The following PITX3 variants were observed in gnomAD, a reference collection of about 807,000 sequenced individuals.
PITX3 encodes the protein pituitary homeobox 3.
PITX3 carries 4 observed loss-of-function variants against 14.2 expected under a neutral mutation model. The observed-to-expected ratio is 0.28, with a 90% CI of 0.14 to 0.65. The LOEUF (loss-of-function observed/expected upper bound fraction) is 0.65, where lower values mean the gene tolerates loss of function less well. PITX3 is among the 30% of genes least tolerant of loss of function. PITX3 has a pLI of 0.82. For synonymous variants in PITX3, 194 were observed against 204.5 expected (o/e 0.95, Z 0.44); for missense variants, 358 against 426.8 (o/e 0.84, Z 1.42).
At chr10:102,234,177 T>C (rs988236090) in intron 1 of PITX3, among the ~76,000 whole-genome samples, 3 of 152,194 alleles carry the variant, frequency 2.0e-5, no homozygotes, top group Admixed American at 6.5e-5. Context: ...TTAGGAGCCT[T>C]TCTCAGGGAG....
chr10:102,231,582 G>A lies in PITX3; in HGVS notation c.321+6C>T, dbSNP rs1342894457. 1 of 1,571,636 alleles carries A rather than the reference G, an allele frequency of 6.4e-7. No homozygotes were observed. The highest frequency in any genetic ancestry group is 8.7e-7 in the Non-Finnish European group (1 of 1,151,378). On this transcript the variant is annotated splice_donor_region_variant and intron_variant, in intron 3 of 3. Transcript: ENST00000370002. The stretch of plus-strand genomic sequence containing the variant: ...CGGGTGCGAGTCGCGGGTCTGGAGA[G>A]CATACCCGCACGCGGGCCTCGGTGA...
intron 1 of PITX3, among the ~76,000 whole-genome samples, chr10:102,240,709 T>C (rs1211037521): frequency 6.6e-6 from 1 of 152,118 alleles, no homozygotes; most frequent in Admixed American, 6.5e-5. Context: ...TCAGGACCCT[T>C]CTGGGCCCAG....
At position 102,230,563 on chromosome 10, in the gene PITX3, G is replaced by C. The variant is rs764043585; in HGVS notation, c.860C>G (p.Pro287Arg). The stretch of plus-strand genomic sequence containing the variant: ...CTGGCACGGACTAAGGTTGGCTGCC[G>C]GGGGCGGCCCGTGCACAGCGGGGTA... ...FSYPAVHGPP[P>R]AANLSPCQYA... The change falls in exon 4 of 4, where the codon CCG (proline) becomes CGG (arginine). Residue 287 changes from proline (P) to arginine (R), a missense_variant. Physicochemically the swap from Pro to Arg is moderately radical, Grantham distance 103. Around this residue, in one of 3 missense-constraint regions of PITX3, gnomAD observed 236 missense variants for 250.2 expected, o/e 0.94. Transcript: ENST00000370002. The C allele has an allele frequency of 1.9e-6, 3 of 1,610,556 alleles. No homozygotes were observed. The highest frequency in any genetic ancestry group is 2.2e-5 in the South Asian group (2 of 90,398).
chr10:102,234,110 TTAA>T (rs1032495319), intron 1 of PITX3, among the ~76,000 whole-genome samples: 2 of 152,220 alleles, frequency 1.3e-5, no homozygotes, highest in African/African-American at 4.8e-5. Flanking sequence ...CAGGATGGCA[TTAA>T]TGTGGTGGAT....
rs1225609240 is a variant in PITX3 at position 102,232,225 on chromosome 10, G to T, written c.-12-133C>A. 3 of 650,250 alleles carry T rather than the reference G, an allele frequency of 4.6e-6. No homozygotes were observed. In the African/African-American group the frequency reaches 5.4e-5, roughly 12 times the overall value. The allele number at this position is 650,250 out of a possible 1,614,324, so 40.3% of individuals were successfully genotyped here. On this transcript the variant is annotated intron_variant, in intron 1 of 3. Transcript: ENST00000370002. ...AGCCGTAAAGCTGGGGCTGCGTGGGGCTCCTTAGGATAGAATCGGGAAATA... is the reference window on the plus strand; with the variant it reads ...AGCCGTAAAGCTGGGGCTGCGTGGGTCTCCTTAGGATAGAATCGGGAAATA...
intron 1 of PITX3, among the ~76,000 whole-genome samples, chr10:102,232,735 C>T (rs1038614591): frequency 2.0e-5 from 3 of 152,188 alleles, no homozygotes; most frequent in African/African-American, 7.2e-5. Flanking sequence ...CCCTATACTA[C>T]ATCTGCAAAA....
In PITX3 at chr10:102,230,699, C is replaced by G; in HGVS notation, c.724G>C (p.Ala242Pro). ...SGAVSCPYAS[A>P]AAAAAAAASS... The stretch of plus-strand genomic sequence containing the variant: ...GCGGCAGCCGCGGCGGCGGCGGCGG[C>G]CGAGGCATAAGGGCAGGACACGGCC... Residue 242 changes from alanine to proline, a missense_variant, in exon 4 of 4, where the codon GCC (alanine) becomes CCC (proline). Transcript: ENST00000370002. 1 of 1,561,556 alleles carries G rather than the reference C, an allele frequency of 6.4e-7. No homozygotes were observed. The highest frequency in any genetic ancestry group is 8.7e-7 in the Non-Finnish European group (1 of 1,153,718).
At position 102,230,707 on chromosome 10, in the gene PITX3, T is replaced by C; in HGVS notation, c.716A>G (p.Tyr239Cys). 1 of 1,555,898 alleles carries C rather than the reference T, an allele frequency of 6.4e-7. No individual in the cohort carries two copies. The highest frequency in any genetic ancestry group is 8.7e-7 in the Non-Finnish European group (1 of 1,150,596). The change falls in exon 4 of 4, where the codon TAT becomes TGT. Residue 239 changes from tyrosine (Y) to cysteine (C), a missense_variant. This residue lies in a region of PITX3 where 236 missense variants were observed against 250.2 expected (regional missense o/e 0.94). Transcript: ENST00000370002. Reference sequence around the variant, plus strand: ...CGCGGCGGCGGCGGCGGCCGAGGCATAAGGGCAGGACACGGCCCCGGAGGA... The same window carrying C: ...CGCGGCGGCGGCGGCGGCCGAGGCACAAGGGCAGGACACGGCCCCGGAGGA... The part of the protein sequence containing the change: ...AVSSGAVSCP[Y>C]ASAAAAAAAA...
chr10:102,239,877 G>A (rs2070487463), intron 1 of PITX3, among the ~76,000 whole-genome samples: 2 of 152,188 alleles, frequency 1.3e-5, no homozygotes, highest in African/African-American at 2.4e-5. Context: ...AAGTAAACCC[G>A]GCTGTTAGGT....
chr10:102,232,187 C>T, intron 1 of PITX3, 95 bp from the exon 2 acceptor site: 1 of 724,180 alleles, frequency 1.4e-6, no homozygotes, highest in Non-Finnish European at 2.4e-6. Flanking sequence ...TCCCTGGCGC[C>T]TTTCTCAACC....
At chr10:102,231,859 C>T in intron 2 of PITX3, 69 bp from the exon 3 acceptor site, 2 of 1,578,854 alleles carry the variant, frequency 1.3e-6, no homozygotes, top group East Asian at 2.2e-5. Flanking sequence ...TCGGGGACCT[C>T]CTAAGCCACT....
chr10:102,238,355 G>A (rs1040511733), intron 1 of PITX3, among the ~76,000 whole-genome samples: 22 of 152,170 alleles, frequency 1.4e-4, no homozygotes, highest in Non-Finnish European at 2.8e-4. Context: ...TTGCCCTCCC[G>A]TCCTGAACCT....
chr10:102,231,004 A>T lies in PITX3; in HGVS notation c.419T>A (p.Leu140Gln). Residue 140 changes from leucine to glutamine, a missense_variant, in exon 4 of 4, where the codon CTG (leucine) becomes CAG (glutamine). Transcript: ENST00000370002. ...KGSFAAPLGGLVPPYEEVYPG... is the reference protein window; with the variant it reads ...KGSFAAPLGGQVPPYEEVYPG... The stretch of plus-strand genomic sequence containing the variant: ...GTACACCTCCTCGTAGGGCGGCACC[A>T]GCCCCCCGAGCGGCGCCGCGAAGCT... 6.3e-7 allele frequency: 1 copy of T among 1,597,992 alleles called. No homozygotes were observed. The highest frequency in any genetic ancestry group is 8.5e-7 in the Non-Finnish European group (1 of 1,174,370).
In PITX3 at chr10:102,230,392, C is replaced by G; in HGVS notation, c.*122G>C. On this transcript the variant is annotated 3_prime_UTR_variant, in exon 4 of 4. Transcript: ENST00000370002. ...AGGCCCTCTCCTGAGCCGGTGCCCCCCAGCTGCCCAAACACCCCTTTCAGA... is the reference window on the plus strand; with the variant it reads ...AGGCCCTCTCCTGAGCCGGTGCCCCGCAGCTGCCCAAACACCCCTTTCAGA... 1 of 1,439,116 alleles carries G rather than the reference C, an allele frequency of 6.9e-7. No homozygotes were observed. Among genetic ancestry groups the G allele is most frequent in the Non-Finnish European group, 9.3e-7 (1 of 1,072,604 alleles). 89.1% of individuals were successfully genotyped at this position (1,439,116 alleles called of 1,614,324 possible).
At position 102,230,301 on chromosome 10, in the gene PITX3, T is replaced by C. The variant is rs962333735; in HGVS notation, c.*213A>G. ...CCCCCGGGGAGCTGGTCCCTGTTCC[T>C]GGCTTTAGTCCCAGGGGCGCGGTCT... On this transcript the variant is annotated 3_prime_UTR_variant, in exon 4 of 4. Coordinates refer to ENST00000370002, the MANE Select transcript of PITX3 (RefSeq NM_005029.4). 3.6e-5 allele frequency: 22 copies of C among 611,036 alleles called. No individual in the cohort carries two copies. In the East Asian group the frequency reaches 7.1e-4, roughly 20 times the overall value. The allele number at this position is 611,036 out of a possible 1,614,324, so 37.9% of individuals were successfully genotyped here. A position where few individuals can be genotyped will look rare whatever the true frequency, so the allele number is the denominator to read the frequency against.
At chr10:102,239,019 A>T (rs1044544553) in intron 1 of PITX3, among the ~76,000 whole-genome samples, 1 of 152,166 alleles carries the variant, frequency 6.6e-6, no homozygotes, top group Non-Finnish European at 1.5e-5. Flanking sequence ...AGGCCCCCTC[A>T]TCTCCAGTTT....
intron 1 of PITX3, among the ~76,000 whole-genome samples, chr10:102,239,449 G>C (rs1272987038): frequency 6.6e-6 from 1 of 152,166 alleles, no homozygotes; most frequent in African/African-American, 2.4e-5. Flanking sequence ...ACAGCAATGG[G>C]AGCACAAGCC....
Position 102,231,006 on chromosome 10 carries a change from C to G in PITX3, c.417G>C (p.Gly139=), listed in dbSNP as rs1385973395. 4 of 1,598,742 alleles carry G rather than the reference C, an allele frequency of 2.5e-6. No homozygotes were observed. The highest frequency in any genetic ancestry group is 4.5e-5 in the East Asian group (2 of 44,146). The stretch of plus-strand genomic sequence containing the variant: ...ACACCTCCTCGTAGGGCGGCACCAG[C>G]CCCCCGAGCGGCGCCGCGAAGCTGC... The part of the protein sequence containing the change: ...CKGSFAAPLG[G]LVPPYEEVYP... The change falls in exon 4 of 4, where the codon GGG becomes GGC. Residue 139 remains glycine, a synonymous_variant. Transcript: ENST00000370002.
chr10:102,240,845 G>A (rs1368085371), intron 1 of PITX3, among the ~76,000 whole-genome samples: 2 of 152,366 alleles, frequency 1.3e-5, no homozygotes, highest in East Asian at 3.9e-4. Context: ...CAGCTGGGAA[G>A]AGAAGCGTGT....
Sources: allele counts gnomAD v4.1 joint callset (sites outside exome capture counted in the v4.1 genomes callset), GRCh38; gene constraint gnomAD v4.1.1; regional missense constraint gnomAD v4.1.1; transcripts MANE v1.5; gene names NCBI Gene and HGNC (gene_info 2026-07-23, HGNC 2026-07-21).